ITGBL1: variants seen among roughly 807,000 people sequenced by gnomAD.
The protein encoded by ITGBL1 is integrin subunit beta like 1.
In ITGBL1, 51 loss-of-function variants were observed where a neutral mutation model predicts 68.5. That is an observed-to-expected ratio of 0.74 (90% CI 0.59 to 0.94). The LOEUF is 0.94. Ranked by LOEUF, ITGBL1 falls within the 40% of genes least tolerant of loss-of-function variation. The pLI is 0.00. For missense variants in ITGBL1, 649 were observed against 647.4 expected, an observed-to-expected ratio of 1.00 and a Z score of -0.03; for synonymous variants, 209 against 227.3, an observed-to-expected ratio of 0.92 and a Z score of 0.72.
At chr13:101,621,839 A>G (rs150011103) in intron 7 of ITGBL1, among the ~76,000 whole-genome samples, 3 of 152,256 alleles carry the variant, frequency 2.0e-5, no homozygotes, top group African/African-American at 7.2e-5. Context: ...GAAATAAGGA[A>G]ATGGAAAAGT....
intron 8 of ITGBL1, among the ~76,000 whole-genome samples, chr13:101,700,041 G>C (rs1208064657): frequency 6.6e-6 from 1 of 152,068 alleles, no homozygotes; most frequent in Non-Finnish European, 1.5e-5. Flanking sequence ...TTTCTCCCTG[G>C]ATAGCTGCTT....
intron 2 of ITGBL1, among the ~76,000 whole-genome samples, chr13:101,546,883 A>C (rs927348291): frequency 3.9e-5 from 6 of 152,060 alleles, no homozygotes; most frequent in Non-Finnish European, 5.9e-5. Context: ...TGAAGATGCT[A>C]CCAAGTGAAG....
intron 7 of ITGBL1, among the ~76,000 whole-genome samples, chr13:101,670,059 G>C (rs1328632321): frequency 3.3e-5 from 5 of 152,090 alleles, no homozygotes. Context: ...AAAATGTCTT[G>C]AAGGCCCAGA....
chr13:101,613,806 G>T (rs1273954155), intron 7 of ITGBL1, among the ~76,000 whole-genome samples: 1 of 152,062 alleles, frequency 6.6e-6, no homozygotes, highest in Admixed American at 6.5e-5. Context: ...CTGGGCGTCC[G>T]GGATTTTAAA....
chr13:101,593,500 T>C lies in ITGBL1; in HGVS notation c.869-4653T>C, dbSNP rs560904765. ...TTTATTGCAGCACTATTTACAGTAGTCAAGATATGGAATCAACCCAAGTGG... is the reference window on the plus strand; with the variant it reads ...TTTATTGCAGCACTATTTACAGTAGCCAAGATATGGAATCAACCCAAGTGG... On this transcript the variant is annotated intron_variant, in intron 6 of 10. Transcript: ENST00000376180. 2.0e-5 allele frequency among the ~76,000 whole-genome samples: 3 copies of C among 152,062 alleles called. No homozygotes were observed. In the East Asian group the frequency reaches 5.8e-4, roughly 29 times the overall value.
At chr13:101,620,725 A>G (rs1017120746) in intron 7 of ITGBL1, among the ~76,000 whole-genome samples, 2 of 152,310 alleles carry the variant, frequency 1.3e-5, no homozygotes, top group South Asian at 4.1e-4. Context: ...GAATAGAAGG[A>G]GAGTCAGTCA....
chr13:101,520,220 T>A (rs765978219), intron 2 of ITGBL1, among the ~76,000 whole-genome samples: 6 of 152,198 alleles, frequency 3.9e-5, no homozygotes, highest in Non-Finnish European at 5.9e-5. Flanking sequence ...ATGAAAAACA[T>A]AAATTTTGTG....
intron 8 of ITGBL1, 195 bp downstream of exon 8, chr13:101,692,896 G>A: frequency 1.8e-6 from 1 of 553,722 alleles, no homozygotes; most frequent in Non-Finnish European, 3.2e-6. Context: ...TATTTAGCAG[G>A]TATGTGAAAG....
intron 7 of ITGBL1, among the ~76,000 whole-genome samples, chr13:101,647,876 A>G (rs2032613663): frequency 6.6e-6 from 1 of 152,216 alleles, no homozygotes; most frequent in Admixed American, 6.5e-5. Context: ...ATAAGAAGCC[A>G]AGAAGAAAGT....
chr13:101,525,756 G>A (rs952352297), intron 2 of ITGBL1, among the ~76,000 whole-genome samples: 43 of 151,410 alleles, frequency 2.8e-4, no homozygotes, highest in African/African-American at 9.2e-4. Context: ...AAACATTCTC[G>A]TTGTGTAACA....
At chr13:101,709,944 C>T (rs1179593510) in intron 9 of ITGBL1, among the ~76,000 whole-genome samples, 1 of 152,110 alleles carries the variant, frequency 6.6e-6, no homozygotes, top group Non-Finnish European at 1.5e-5. Context: ...GTCATTACAG[C>T]CCTAGGAAAG....
intron 7 of ITGBL1, among the ~76,000 whole-genome samples, chr13:101,652,765 G>A (rs1266799820): frequency 2.0e-5 from 3 of 151,982 alleles, no homozygotes; most frequent in Non-Finnish European, 2.9e-5. Context: ...GGAAATAGAC[G>A]CACCAAAGTT....
chr13:101,482,926 A>T (rs2048647259), intron 2 of ITGBL1, among the ~76,000 whole-genome samples: 1 of 152,200 alleles, frequency 6.6e-6, no homozygotes, highest in Admixed American at 6.5e-5. Context: ...TACTCACGGC[A>T]TCAGAGACTC....
At position 101,646,929 on chromosome 13, in the gene ITGBL1, A is replaced by G. The variant is rs139705809; in HGVS notation, c.1016-45656A>G. Among the ~76,000 whole-genome samples, 298 of 152,276 alleles carry G rather than the reference A, an allele frequency of 2.0e-3. 1 individual carries two copies. The highest frequency in any genetic ancestry group is 6.7e-3 in the African/African-American group (278 of 41,574). ...AAGCTAAATCCTGGAGTTTTATAAC[A>G]TATATTGTATATAATCCGTTAACAA... is the stretch of plus-strand genomic sequence containing the variant. On this transcript the variant is annotated intron_variant, in intron 7 of 10. Coordinates refer to ENST00000376180, the MANE Select transcript of ITGBL1 (RefSeq NM_004791.3).
chr13:101,648,981 T>C (rs1345968843), intron 7 of ITGBL1, among the ~76,000 whole-genome samples: 3 of 152,130 alleles, frequency 2.0e-5, no homozygotes, highest in African/African-American at 7.2e-5. Flanking sequence ...GATACTAAGA[T>C]TGACATACTA....
At chr13:101,612,646 T>C (rs1419854905) in intron 7 of ITGBL1, among the ~76,000 whole-genome samples, 1 of 152,056 alleles carries the variant, frequency 6.6e-6, no homozygotes, top group African/African-American at 2.4e-5. Context: ...TAACTCTACA[T>C]AGAGAGGAAA....
At chr13:101,708,915 C>G (rs569871976) in intron 9 of ITGBL1, among the ~76,000 whole-genome samples, 2 of 152,364 alleles carry the variant, frequency 1.3e-5, no homozygotes, top group African/African-American at 2.4e-5. Flanking sequence ...AATCTAATCT[C>G]AAGCCCCAAA....
chr13:101,535,808 A>C (rs2139171320), intron 2 of ITGBL1, among the ~76,000 whole-genome samples: 1 of 152,240 alleles, frequency 6.6e-6, no homozygotes, highest in Admixed American at 6.5e-5. Context: ...AAAATTTTGC[A>C]ATTCGAATCT....
intron 2 of ITGBL1, among the ~76,000 whole-genome samples, chr13:101,487,291 A>C (rs941843919): frequency 6.6e-6 from 1 of 152,182 alleles, no homozygotes; most frequent in African/African-American, 2.4e-5. Context: ...AATTATATGG[A>C]GCCTGTTGAT....
Sources: gnomAD v4.1 joint callset for allele counts (sites outside exome capture counted in the v4.1 genomes callset) on GRCh38, gnomAD v4.1.1 for gene constraint, MANE v1.5 for transcripts, NCBI Gene and HGNC (gene_info 2026-07-23, HGNC 2026-07-21) for gene names.